ULK4: variants seen among roughly 807,000 people sequenced by gnomAD.
The protein encoded by ULK4 is inactive serine/threonine-protein kinase ULK4.
Under a neutral mutation model 160.6 loss-of-function variants are expected in ULK4, and 133 were observed. The observed-to-expected ratio is 0.83, with a 90% CI of 0.72 to 0.96. The LOEUF (loss-of-function observed/expected upper bound fraction) is 0.96. Among genes scored for constraint, ULK4 ranks in the 40% least tolerant of loss-of-function variants. ULK4 has a pLI of 0.00. For missense variants in ULK4, 1,580 were observed against 1,499.5 expected (o/e 1.05, Z -0.89); for synonymous variants, 534 against 539.8 (o/e 0.99, Z 0.15).
chr3:41,343,001 C>T (rs1013025131), intron 35 of ULK4, among the ~76,000 whole-genome samples: 7 of 152,132 alleles, frequency 4.6e-5, no homozygotes, highest in Non-Finnish European at 1.0e-4. Flanking sequence ...TCCCAATAAA[C>T]TAAGTATTGA....
At chr3:41,722,836 G>C (rs2125853874) in intron 22 of ULK4, among the ~76,000 whole-genome samples, 1 of 152,210 alleles carries the variant, frequency 6.6e-6, no homozygotes, top group Admixed American at 6.5e-5. Flanking sequence ...CCTACTAAAA[G>C]ACATGAGGGG....
intron 35 of ULK4, among the ~76,000 whole-genome samples, chr3:41,352,372 T>A (rs530824033): frequency 6.6e-6 from 1 of 152,324 alleles, no homozygotes; most frequent in South Asian, 2.1e-4. Flanking sequence ...CACCACTGAC[T>A]AGTACTTATT....
At chr3:41,925,905 G>A (rs1699370176) in intron 5 of ULK4, among the ~76,000 whole-genome samples, 1 of 152,266 alleles carries the variant, frequency 6.6e-6, no homozygotes, top group South Asian at 2.1e-4. Flanking sequence ...TGGGAGAAGG[G>A]GTGGCTGTGG....
intron 35 of ULK4, among the ~76,000 whole-genome samples, chr3:41,394,253 A>G (rs1025541208): frequency 6.6e-6 from 1 of 152,104 alleles, no homozygotes; most frequent in African/African-American, 2.4e-5. Context: ...GAGAATTAAA[A>G]ACAGACAGCA....
chr3:41,908,077 G>C (rs60659106), intron 11 of ULK4, 136 bp from the exon 12 acceptor site: 50,603 of 383,906 alleles, frequency 0.13, 3,899 homozygotes, highest in Middle Eastern at 0.24. Context: ...AAAAAGTCTA[G>C]ATCTAATTTA....
Position 41,907,847 on chromosome 3 carries a change from T to A in ULK4, c.1180A>T (p.Lys394Ter). Residue 394 changes from lysine (K) to a stop codon, truncating the protein, a stop_gained and splice_region_variant, in exon 12 of 37, where the codon AAG becomes TAG. Coordinates refer to ENST00000301831, the MANE Select transcript of ULK4 (RefSeq NM_017886.4). LOFTEE classifies it high-confidence loss of function. ...CSPQKTSPLT[K>*]ITSGHLSQQD... The stretch of plus-strand genomic sequence containing the variant: ...GAAAATTTCCCAAGTCTGCTCACCT[T>A]GGTCAGAGGAGAAGTCTTCTGTGGT... The A allele has an allele frequency of 6.4e-7, 1 of 1,569,580 alleles. No homozygotes were observed. The highest frequency in any genetic ancestry group is 8.6e-7 in the Non-Finnish European group (1 of 1,160,796).
chr3:41,504,948 G>A (rs1278594670), intron 32 of ULK4, among the ~76,000 whole-genome samples: 2 of 152,110 alleles, frequency 1.3e-5, no homozygotes, highest in Non-Finnish European at 2.9e-5. Flanking sequence ...AACTCTCAGT[G>A]TAGCTAAACA....
At chr3:41,388,664 T>C (rs1404206601) in intron 35 of ULK4, among the ~76,000 whole-genome samples, 1 of 152,144 alleles carries the variant, frequency 6.6e-6, no homozygotes, top group Non-Finnish European at 1.5e-5. Context: ...TTGTCAGGTT[T>C]GTCAAAGATC....
chr3:41,738,333 G>T (rs2038125752), intron 22 of ULK4, among the ~76,000 whole-genome samples: 1 of 151,524 alleles, frequency 6.6e-6, no homozygotes, highest in African/African-American at 2.4e-5. Flanking sequence ...CTTGGCAAAG[G>T]TTTTTTTTCT....
At chr3:41,781,233 C>T (rs765015758) in intron 21 of ULK4, among the ~76,000 whole-genome samples, 2 of 151,774 alleles carry the variant, frequency 1.3e-5, no homozygotes, top group Admixed American at 1.3e-4. Flanking sequence ...ATGAACTCTG[C>T]GGTGAAACCC....
intron 35 of ULK4, among the ~76,000 whole-genome samples, chr3:41,372,485 A>G (rs1400454554): frequency 6.6e-6 from 1 of 152,230 alleles, no homozygotes; most frequent in Non-Finnish European, 1.5e-5. Context: ...AGTGGGGGCC[A>G]ATATTCAACA....
chr3:41,277,294 C>T (rs139610382), intron 35 of ULK4, among the ~76,000 whole-genome samples: 3,920 of 152,118 alleles, frequency 0.026, 82 homozygotes, highest in Non-Finnish European at 0.044. Flanking sequence ...AAGGACATAA[C>T]CAAAAAAGAA....
rs377283324 is a variant in ULK4, at chr3:41,701,277, T to C, written c.2781+3780A>G. Among the ~76,000 whole-genome samples, 228 of 152,280 alleles carry C rather than the reference T, an allele frequency of 1.5e-3. 2 individuals are homozygous for C. The highest frequency in any genetic ancestry group is 5.3e-3 in the African/African-American group (221 of 41,574). ...AAGAAATTTATATTTAGTTACATCATAGTGAATCTACAGAAAACCAAATCT... is the reference window on the plus strand; with the variant it reads ...AAGAAATTTATATTTAGTTACATCACAGTGAATCTACAGAAAACCAAATCT... On this transcript the variant is annotated intron_variant, in intron 27 of 36. Transcript: ENST00000301831.
intron 35 of ULK4, among the ~76,000 whole-genome samples, chr3:41,279,472 A>G (rs933365625): frequency 5.9e-5 from 9 of 152,234 alleles, no homozygotes; most frequent in Non-Finnish European, 8.8e-5. Flanking sequence ...CCACAAAGAT[A>G]CTCCTTGAGA....
intron 19 of ULK4, among the ~76,000 whole-genome samples, chr3:41,805,101 C>A (rs533353135): frequency 2.0e-5 from 3 of 152,302 alleles, no homozygotes; most frequent in Non-Finnish European, 4.4e-5. Context: ...GATACTGATT[C>A]TTCCTACCCA....
intron 31 of ULK4, among the ~76,000 whole-genome samples, chr3:41,608,493 G>T (rs977115779): frequency 6.6e-6 from 1 of 152,096 alleles, no homozygotes; most frequent in African/African-American, 2.4e-5. Context: ...ACATTCATTG[G>T]TTTCATATTG....
chr3:41,274,485 C>T (rs2079196444), intron 35 of ULK4, among the ~76,000 whole-genome samples: 1 of 152,174 alleles, frequency 6.6e-6, no homozygotes, highest in African/African-American at 2.4e-5. Context: ...TCAGTTCAGT[C>T]ACAGTGGTAA....
At chr3:41,762,101 A>G (rs2125908109) in intron 21 of ULK4, among the ~76,000 whole-genome samples, 1 of 152,220 alleles carries the variant, frequency 6.6e-6, no homozygotes, top group Admixed American at 6.5e-5. Flanking sequence ...CAAACAAACA[A>G]AACTAGAAAT....
At chr3:41,458,953 A>G (rs541496005) in intron 33 of ULK4, among the ~76,000 whole-genome samples, 16 of 152,150 alleles carry the variant, frequency 1.1e-4, no homozygotes, top group Admixed American at 3.3e-4. Flanking sequence ...ACAGGGTTTC[A>G]CCATGTTGGC....
Sources: allele counts gnomAD v4.1 joint callset (sites outside exome capture counted in the v4.1 genomes callset), GRCh38; gene constraint gnomAD v4.1.1; transcripts MANE v1.5; gene names NCBI Gene and HGNC (gene_info 2026-07-23, HGNC 2026-07-21).